The following SLC12A6 variants were observed in gnomAD, a reference collection of about 807,000 sequenced individuals.
SLC12A6 encodes the protein solute carrier family 12 member 6, also known as K-Cl cotransporter 3.
In SLC12A6, 66 loss-of-function variants were observed where a neutral mutation model predicts 135.3. The observed-to-expected ratio is 0.49, with a 90% CI of 0.40 to 0.60. SLC12A6 has a LOEUF of 0.60. SLC12A6 is among the 20% of genes least tolerant of loss of function. SLC12A6 has a pLI of 0.00. For missense variants in SLC12A6, 1,058 were observed against 1,452.3 expected, an observed-to-expected ratio of 0.73 and a Z score of 4.41; for synonymous variants, 513 against 508.8, an observed-to-expected ratio of 1.01 and a Z score of -0.11.
At chr15:34,311,480 T>C (rs988952766) in intron 2 of SLC12A6, among the ~76,000 whole-genome samples, 1 of 152,226 alleles carries the variant, frequency 6.6e-6, no homozygotes, top group Admixed American at 6.5e-5. Context: ...GTTTCGATAA[T>C]GCTCACATCA....
At chr15:34,318,162 A>T (rs1888782821) in intron 2 of SLC12A6, among the ~76,000 whole-genome samples, 1 of 152,216 alleles carries the variant, frequency 6.6e-6, no homozygotes, top group Non-Finnish European at 1.5e-5. Context: ...TCTTTATATA[A>T]TATTATGTAA....
At chr15:34,249,492 A>G (rs1159313718) in intron 13 of SLC12A6, among the ~76,000 whole-genome samples, 1 of 152,172 alleles carries the variant, frequency 6.6e-6, no homozygotes, top group Admixed American at 6.5e-5. Flanking sequence ...ACTTGAGCCC[A>G]GGAGGTTGAG....
intron 13 of SLC12A6, among the ~76,000 whole-genome samples, chr15:34,247,112 C>CA (rs1334597667): frequency 6.6e-6 from 1 of 152,220 alleles, no homozygotes; most frequent in African/African-American, 2.4e-5. Context: ...GCACACTCCA[C>CA]ACCAGTCTTC....
intron 2 of SLC12A6, among the ~76,000 whole-genome samples, chr15:34,315,330 G>A (rs1888564154): frequency 2.0e-5 from 3 of 152,146 alleles, no homozygotes; most frequent in Admixed American, 1.3e-4. Context: ...CCACCCTGCA[G>A]CAGCCATCAA....
At chr15:34,252,446 G>T in intron 9 of SLC12A6, 62 bp from the exon 10 acceptor site, 1 of 1,000,540 alleles carries the variant, frequency 1.0e-6, no homozygotes, top group Non-Finnish European at 1.6e-6. Context: ...AAAAAAAAAG[G>T]AAACAGGTTA....
chr15:34,235,720 G>A (rs997295617), intron 24 of SLC12A6, among the ~76,000 whole-genome samples: 2 of 152,290 alleles, frequency 1.3e-5, no homozygotes, highest in Non-Finnish European at 2.9e-5. Context: ...TTACAGGCGT[G>A]AGCCACTGTG....
intron 2 of SLC12A6, among the ~76,000 whole-genome samples, chr15:34,326,948 T>C (rs1408850943): frequency 1.4e-5 from 2 of 143,024 alleles, no homozygotes; most frequent in African/African-American, 2.7e-5. Flanking sequence ...AATGTTTCAA[T>C]AGGGCCAACT....
chr15:34,257,772 G>A lies in SLC12A6; in HGVS notation c.560C>T (p.Thr187Ile), dbSNP rs1275563766. 6.2e-7 allele frequency: 1 copy of A among 1,606,714 alleles called. No individual in the cohort carries two copies. The highest frequency in any genetic ancestry group is 1.7e-5 in the Admixed American group (1 of 59,990). The change falls in exon 6 of 26, where the codon ACC becomes ATC. Residue 187 changes from threonine to isoleucine, a missense_variant. Physicochemically the swap from Thr to Ile is moderately conservative, Grantham distance 89. Coordinates refer to ENST00000354181, the MANE Select transcript of SLC12A6 (RefSeq NM_001365088.1). ...ACATGGGAGGTAGACACCCATGAAG[G>A]TACCCATTTGGGGGGTCTAGAAAGA... is the stretch of plus-strand genomic sequence containing the variant. ...KKPTKTPQMGTFMGVYLPCLQ... is the reference protein window; with the variant it reads ...KKPTKTPQMGIFMGVYLPCLQ...
At chr15:34,268,951 G>T (rs1893716523) in intron 3 of SLC12A6, among the ~76,000 whole-genome samples, 1 of 151,880 alleles carries the variant, frequency 6.6e-6, no homozygotes, top group South Asian at 2.1e-4. Flanking sequence ...CCGCCTCCAG[G>T]GTTCAAGCAA....
At chr15:34,283,951 T>C (rs980707750) in intron 2 of SLC12A6, among the ~76,000 whole-genome samples, 4 of 152,130 alleles carry the variant, frequency 2.6e-5, no homozygotes, top group African/African-American at 9.7e-5. Context: ...GATCTCCCTA[T>C]GTTGCTTATG....
At chr15:34,328,013 C>T (rs776783950) in intron 2 of SLC12A6, among the ~76,000 whole-genome samples, 36 of 151,846 alleles carry the variant, frequency 2.4e-4, no homozygotes, top group Non-Finnish European at 4.9e-4. Context: ...ATTAGCAATG[C>T]CGTAATAAAA....
Position 34,230,679 on chromosome 15 carries a change from C to T in SLC12A6, c.*3202G>A, listed in dbSNP as rs1056020638. On this transcript the variant is annotated 3_prime_UTR_variant, in exon 26 of 26. Transcript: ENST00000354181. ...AGCCCCTTCCCCTAAGGTGCATTCTCTCAAGTTTTCAGTATTGCTTTATTT... is the reference window on the plus strand; with the variant it reads ...AGCCCCTTCCCCTAAGGTGCATTCTTTCAAGTTTTCAGTATTGCTTTATTT... 8 of 152,622 alleles carry T rather than the reference C, an allele frequency of 5.2e-5. No individual in the cohort carries two copies. Among genetic ancestry groups the T allele is most frequent in the African/African-American group, 1.7e-4 (7 of 41,444 alleles). The allele number at this position is 152,622 out of a possible 1,614,324, so 9.5% of individuals were successfully genotyped here. A position where few individuals can be genotyped will look rare whatever the true frequency, so the allele number is the denominator to read the frequency against.
Position 34,235,222 on chromosome 15 carries a change from T to G in SLC12A6, c.3320A>C (p.Asn1107Thr). ...AGGGTTTCGGGGTGGCCCTGGCATA[T>G]TCAATAAAACCAGCTTTGCTTCATG... ...KSHEAKLVLL[N>T]MPGPPRNPEG... The change falls in exon 25 of 26, where the codon AAT becomes ACT. Residue 1107 changes from asparagine to threonine, a missense_variant. Asn to Thr is a moderately conservative substitution (Grantham distance 65). Transcript: ENST00000354181. 1 of 1,613,998 alleles carries G rather than the reference T, an allele frequency of 6.2e-7. No individual in the cohort carries two copies. The highest frequency in any genetic ancestry group is 8.5e-7 in the Non-Finnish European group (1 of 1,179,850).
In SLC12A6 at chr15:34,258,861, T is replaced by G. The variant is rs1294307033; in HGVS notation, c.495A>C (p.Glu165Asp). 1.2e-6 allele frequency: 2 copies of G among 1,613,528 alleles called. No individual in the cohort carries two copies. The highest frequency in any genetic ancestry group is 1.7e-6 in the Non-Finnish European group (2 of 1,179,442). Residue 165 changes from glutamate to aspartate, a missense_variant, in exon 5 of 26, where the codon GAA becomes GAC. Around this residue, in one of 6 missense-constraint regions of SLC12A6, gnomAD observed 139 missense variants for 202.2 expected, o/e 0.69. Transcript: ENST00000354181. ...CAGTGATGTTTTCTGCCTCTTCATGTTCCTTTGCTCCTTGAGTCAGATTAG... is the reference window on the plus strand; with the variant it reads ...CAGTGATGTTTTCTGCCTCTTCATGGTCCTTTGCTCCTTGAGTCAGATTAG... ...NYTNLTQGAK[E>D]HEEAENITEG...
intron 3 of SLC12A6, among the ~76,000 whole-genome samples, chr15:34,273,823 A>C (rs1315202140): frequency 6.6e-6 from 1 of 152,162 alleles, no homozygotes; most frequent in East Asian, 1.9e-4. Context: ...TAAATAAAAA[A>C]CTAGAGATGC....
In SLC12A6 at chr15:34,258,807, C is replaced by A. The variant is rs886051055; in HGVS notation, c.543+6G>T. 1 of 1,611,570 alleles carries A rather than the reference C, an allele frequency of 6.2e-7. No individual in the cohort carries two copies. ...CTATGTATTCCTTGTTATTCTGAGG[C>A]CTCACCTTGGTGGGCTTCTTTTTCC... On this transcript the variant is annotated splice_donor_region_variant and intron_variant, in intron 5 of 25. Coordinates refer to ENST00000354181, the MANE Select transcript of SLC12A6 (RefSeq NM_001365088.1).
intron 2 of SLC12A6, among the ~76,000 whole-genome samples, chr15:34,314,511 A>T (rs1379392887): frequency 7.1e-6 from 1 of 140,712 alleles, no homozygotes; most frequent in South Asian, 2.1e-4. Flanking sequence ...CATAACATCA[A>T]CAACAGCATC....
At chr15:34,265,053 C>T (rs1446490699) in intron 3 of SLC12A6, among the ~76,000 whole-genome samples, 3 of 151,950 alleles carry the variant, frequency 2.0e-5, no homozygotes, top group Admixed American at 6.6e-5. Context: ...AAAAATTAGC[C>T]GGGCGTGGTG....
At chr15:34,234,926 G>A (rs960024819) in intron 25 of SLC12A6, among the ~76,000 whole-genome samples, 15 of 152,128 alleles carry the variant, frequency 9.9e-5, no homozygotes, top group Non-Finnish European at 2.1e-4. Flanking sequence ...GTCAGGAAGG[G>A]TTTTATACAC....
Sources: allele counts gnomAD v4.1 joint callset (sites outside exome capture counted in the v4.1 genomes callset), GRCh38; gene constraint gnomAD v4.1.1; regional missense constraint gnomAD v4.1.1; transcripts MANE v1.5; gene names NCBI Gene and HGNC (gene_info 2026-07-23, HGNC 2026-07-21).